The following RBM47 variants were observed in gnomAD, a reference collection of about 807,000 sequenced individuals.
The protein encoded by RBM47 is RNA binding motif protein 47.
RBM47 carries 21 observed loss-of-function variants against 47.1 expected under a neutral mutation model. The ratio of observed to expected loss-of-function variants is 0.45; its 90% CI spans 0.32 to 0.64. The LOEUF (loss-of-function observed/expected upper bound fraction) is 0.64, where lower values mean the gene tolerates loss of function less well. RBM47 is among the 30% of genes least tolerant of loss of function. The probability of loss-of-function intolerance (pLI) is 0.05; values close to 1 mark genes in which losing one functional copy is unlikely to be tolerated. For missense variants in RBM47, 708 were observed against 870.9 expected, an observed-to-expected ratio of 0.81 and a Z score of 2.35; for synonymous variants, 375 against 361.7, an observed-to-expected ratio of 1.04 and a Z score of -0.42.
chr4:40,524,577 T>C (rs1560444427), intron 2 of RBM47, among the ~76,000 whole-genome samples: 1 of 152,204 alleles, frequency 6.6e-6, no homozygotes. Context: ...AGAACTGGAA[T>C]TGGCATTCGG....
At chr4:40,454,401 T>C (rs1715912364) in intron 3 of RBM47, among the ~76,000 whole-genome samples, 1 of 152,250 alleles carries the variant, frequency 6.6e-6, no homozygotes, top group Non-Finnish European at 1.5e-5. Context: ...ATAAATGAGA[T>C]AGCCAAGGGC....
intron 6 of RBM47, 171 bp from the exon 7 acceptor site, chr4:40,426,314 A>T (rs1397260392): frequency 1.3e-6 from 1 of 798,228 alleles, no homozygotes; most frequent in African/African-American, 1.7e-5. Context: ...GAGAAGAGCC[A>T]CTGAAGAGGT....
chr4:40,610,513 G>A (rs1423441212), intron 1 of RBM47, among the ~76,000 whole-genome samples: 1 of 151,348 alleles, frequency 6.6e-6, no homozygotes, highest in African/African-American at 2.4e-5. Flanking sequence ...AGGAGGCTGA[G>A]GCCAGCAAAT....
chr4:40,573,152 C>CAAAA (rs369450436), intron 1 of RBM47, among the ~76,000 whole-genome samples: 2 of 63,884 alleles, frequency 3.1e-5, no homozygotes, highest in African/African-American at 9.2e-5. Context: ...GACTTCATCT[C>CAAAA]AAAAAAAAAA....
intron 1 of RBM47, among the ~76,000 whole-genome samples, chr4:40,578,846 G>A (rs925509995): frequency 6.6e-6 from 1 of 152,338 alleles, no homozygotes; most frequent in South Asian, 2.1e-4. Flanking sequence ...AGCTGGGCAC[G>A]ATGGCTCACG....
intron 1 of RBM47, among the ~76,000 whole-genome samples, chr4:40,560,983 TTGC>T (rs1335780645): frequency 2.0e-5 from 3 of 149,900 alleles, no homozygotes; most frequent in Non-Finnish European, 4.4e-5. Flanking sequence ...AAAAAAAAAG[TTGC>T]TGCTATTCCC....
chr4:40,629,011 A>T (rs1418089041), intron 1 of RBM47, among the ~76,000 whole-genome samples: 1 of 152,150 alleles, frequency 6.6e-6, no homozygotes, highest in East Asian at 1.9e-4. Context: ...CTTAAATGAG[A>T]TGCCTCCTGT....
chr4:40,597,268 A>C (rs1037173494), intron 1 of RBM47, among the ~76,000 whole-genome samples: 1 of 150,930 alleles, frequency 6.6e-6, no homozygotes, highest in Non-Finnish European at 1.5e-5. Context: ...TCAAAAAAAA[A>C]AATAGTTTTA....
intron 1 of RBM47, among the ~76,000 whole-genome samples, chr4:40,546,329 T>C (rs1313209279): frequency 6.6e-6 from 1 of 152,028 alleles, no homozygotes; most frequent in Non-Finnish European, 1.5e-5. Context: ...TTTGTATTTG[T>C]AGTAGAGATG....
intron 3 of RBM47, among the ~76,000 whole-genome samples, chr4:40,457,665 C>T (rs925619859): frequency 1.2e-4 from 19 of 152,078 alleles, no homozygotes; most frequent in African/African-American, 4.1e-4. Flanking sequence ...GAACTCCTAA[C>T]GTCAAGTGAT....
At chr4:40,466,534 T>C (rs1371373750) in intron 3 of RBM47, 43 bp downstream of exon 3, 1 of 152,082 alleles carries the variant, frequency 6.6e-6, no homozygotes, top group Non-Finnish European at 1.5e-5. Context: ...ACTTATGTTC[T>C]TGCTTAAGTG....
intron 1 of RBM47, among the ~76,000 whole-genome samples, chr4:40,590,308 T>C (rs1302419463): frequency 1.3e-5 from 2 of 152,010 alleles, no homozygotes; most frequent in African/African-American, 4.8e-5. Context: ...CACAGGAGGA[T>C]TGCTTGAGCC....
chr4:40,497,269 T>C (rs1283296042), intron 2 of RBM47, among the ~76,000 whole-genome samples: 1 of 152,132 alleles, frequency 6.6e-6, no homozygotes, highest in Non-Finnish European at 1.5e-5. Flanking sequence ...TCCAAAGTAC[T>C]TTCAGTTCAT....
intron 2 of RBM47, among the ~76,000 whole-genome samples, chr4:40,523,077 T>C (rs1726359605): frequency 1.3e-5 from 2 of 151,596 alleles, no homozygotes; most frequent in Non-Finnish European, 2.9e-5. Context: ...GCGATTCTTA[T>C]GCCTCAGCCT....
chr4:40,622,411 AC>A (rs1319580963), intron 1 of RBM47, among the ~76,000 whole-genome samples: 1 of 152,214 alleles, frequency 6.6e-6, no homozygotes, highest in Non-Finnish European at 1.5e-5. Flanking sequence ...TGCTGGGCAC[AC>A]CCCATCAAGA....
intron 1 of RBM47, among the ~76,000 whole-genome samples, chr4:40,569,011 A>C (rs748623974): frequency 4.4e-5 from 6 of 137,586 alleles, no homozygotes; most frequent in Non-Finnish European, 8.3e-5. Flanking sequence ...AGATAGATAG[A>C]TAGATAGACA....
At chr4:40,603,096 C>T (rs533428448) in intron 1 of RBM47, among the ~76,000 whole-genome samples, 46 of 152,158 alleles carry the variant, frequency 3.0e-4, no homozygotes, top group East Asian at 1.9e-4. Context: ...ATATAGTCAG[C>T]ACCCCAGAAG....
intron 1 of RBM47, among the ~76,000 whole-genome samples, chr4:40,556,251 TTC>T (rs1730075663): frequency 6.6e-6 from 1 of 151,790 alleles, no homozygotes; most frequent in African/African-American, 2.4e-5. Flanking sequence ...GGCCAGACTG[TTC>T]TCCATCTCCT....
chr4:40,484,138 C>T lies in RBM47; in HGVS notation c.-154-17439G>A, dbSNP rs145264526. ...AGTAGAGAAAACTTTATGTAGGGTACAATTTCTACTGATATTATAGTAATC... is the reference window on the plus strand; with the variant it reads ...AGTAGAGAAAACTTTATGTAGGGTATAATTTCTACTGATATTATAGTAATC... On this transcript the variant is annotated intron_variant, in intron 2 of 6. Coordinates refer to ENST00000295971, the MANE Select transcript of RBM47 (RefSeq NM_001098634.2). Among the ~76,000 whole-genome samples, 1,211 of 152,198 alleles carry T rather than the reference C, an allele frequency of 8.0e-3. 10 individuals carry two copies. Among genetic ancestry groups the T allele is most frequent in the Middle Eastern group, 0.024 (7 of 294 alleles).
Sources: gnomAD v4.1 joint callset for allele counts (sites outside exome capture counted in the v4.1 genomes callset) on GRCh38, gnomAD v4.1.1 for gene constraint, MANE v1.5 for transcripts, NCBI Gene and HGNC (gene_info 2026-07-23, HGNC 2026-07-21) for gene names.